Variants in JCAD observed in about 807,000 individuals in gnomAD.
JCAD encodes junctional cadherin 5 associated.
In JCAD, 40 loss-of-function variants were observed where a neutral mutation model predicts 98.0. That is an observed-to-expected ratio of 0.41 (90% CI 0.32 to 0.53). The LOEUF (loss-of-function observed/expected upper bound fraction) is 0.53, where lower values mean the gene tolerates loss of function less well. Ranked by LOEUF, JCAD falls within the 20% of genes least tolerant of loss-of-function variation. The pLI is 0.31. For synonymous variants in JCAD, 691 were observed against 682.3 expected (o/e 1.01, Z -0.20); for missense variants, 1,705 against 1,738.1 (o/e 0.98, Z 0.34).
rs755130262 is a variant in JCAD, at chr10:30,027,012, G to A, written c.3136C>T (p.Pro1046Ser). The change falls in exon 3 of 4, where the codon CCA (proline) becomes TCA (serine). Residue 1046 changes from proline to serine, a missense_variant. Around this residue, in one of 3 missense-constraint regions of JCAD, gnomAD observed 1,278 missense variants for 1,243.1 expected, o/e 1.03. Transcript: ENST00000375377. ...LSNKNRGLSA[P>S]DLRSVGLTPG... is the part of the protein sequence containing the mutation. ...GTGAGCCCCACAGACCGTAAGTCTGGAGCTGAGAGCCCTCGGTTCTTGTTA... is the reference window on the plus strand; with the variant it reads ...GTGAGCCCCACAGACCGTAAGTCTGAAGCTGAGAGCCCTCGGTTCTTGTTA... 1 of 1,614,156 alleles carries A rather than the reference G, an allele frequency of 6.2e-7. No individual in the cohort carries two copies. Among genetic ancestry groups the A allele is most frequent in the African/African-American group, 1.3e-5 (1 of 75,044 alleles).
At chr10:30,111,604 T>C (rs1235418503) in intron 1 of JCAD, among the ~76,000 whole-genome samples, 2 of 152,164 alleles carry the variant, frequency 1.3e-5, no homozygotes, top group Admixed American at 1.3e-4. Context: ...AAATGTGATG[T>C]GACATGACAT....
At position 30,027,737 on chromosome 10, in the gene JCAD, C is replaced by T. The variant is rs764850090; in HGVS notation, c.2411G>A (p.Gly804Glu). ...HPGPKREVVK[G>E]EPTGPCNSKQ... ...ACTGTTGCAAGGGCCCGTGGGCTCC[C>T]CCTTCACCACCTCCCGCTTAGGCCC... The change falls in exon 3 of 4, where the codon GGG (glycine) becomes GAG (glutamate). Residue 804 changes from glycine (G) to glutamate (E), a missense_variant. Physicochemically the swap from Gly to Glu is moderately conservative, Grantham distance 98. Transcript: ENST00000375377. 2.1e-5 allele frequency: 34 copies of T among 1,614,130 alleles called. No homozygotes were observed. In the Admixed American group the frequency reaches 5.3e-4, roughly 25 times the overall value.
chr10:30,022,945 T>A (rs1166416712), intron 3 of JCAD, among the ~76,000 whole-genome samples: 2 of 152,192 alleles, frequency 1.3e-5, no homozygotes, highest in Non-Finnish European at 2.9e-5. Flanking sequence ...CAGAGCAACT[T>A]CCAGTCCTGC....
intron 1 of JCAD, among the ~76,000 whole-genome samples, chr10:30,089,551 T>TG (rs1838226153): frequency 8.0e-5 from 12 of 150,842 alleles, no homozygotes; most frequent in East Asian, 2.0e-4. Context: ...TGTGTGTGTG[T>TG]TTGCTACTAA....
At chr10:30,069,850 G>A (rs907878475) in intron 1 of JCAD, 1 of 152,060 alleles carries the variant, frequency 6.6e-6, no homozygotes, top group Non-Finnish European at 1.5e-5. Context: ...GCCAGAAAAC[G>A]TTAGAAAATA....
Position 30,029,406 on chromosome 10 carries a change from T to A in JCAD, c.742A>T (p.Ile248Phe), listed in dbSNP as rs1836935295. The change falls in exon 3 of 4, where the codon ATT becomes TTT. Residue 248 changes from isoleucine (I) to phenylalanine (F), a missense_variant. Ile to Phe is a conservative substitution (Grantham distance 21). Transcript: ENST00000375377. ...GGTGAATGTCTTTCATTTAATGGAA[T>A]GGGAATTTCCGTGCAACTCAGGCTC... ...PESLSCTEIP[I>F]PLNERHSPKM... is the part of the protein sequence containing the mutation. 2 of 1,613,776 alleles carry A rather than the reference T, an allele frequency of 1.2e-6. No individual in the cohort carries two copies. The highest frequency in any genetic ancestry group is 8.5e-7 in the Non-Finnish European group (1 of 1,179,988).
At chr10:30,082,642 A>T (rs927481489) in intron 1 of JCAD, among the ~76,000 whole-genome samples, 1 of 152,048 alleles carries the variant, frequency 6.6e-6, no homozygotes, top group African/African-American at 2.4e-5. Flanking sequence ...ACCTGAGGTC[A>T]GCAGTTTGAG....
At chr10:30,034,503 G>T (rs1837073022) in intron 2 of JCAD, among the ~76,000 whole-genome samples, 1 of 152,164 alleles carries the variant, frequency 6.6e-6, no homozygotes. Flanking sequence ...TTGAAATTAT[G>T]TTTTGAGCAT....
At chr10:30,099,359 C>T (rs1051852226) in intron 1 of JCAD, among the ~76,000 whole-genome samples, 3 of 152,154 alleles carry the variant, frequency 2.0e-5, no homozygotes, top group Admixed American at 2.0e-4. Flanking sequence ...TAAATCCAAT[C>T]AAGTCATTAT....
At chr10:30,025,690 C>T (rs1036480163) in intron 3 of JCAD, among the ~76,000 whole-genome samples, 4 of 151,890 alleles carry the variant, frequency 2.6e-5, no homozygotes, top group Non-Finnish European at 5.9e-5. Context: ...GAGTTCGAGA[C>T]CAGCCTGAGT....
At chr10:30,099,876 GCGATTACCGGCTCCACTCTAACTCATTC>G (rs1209974460) in intron 1 of JCAD, among the ~76,000 whole-genome samples, 2 of 151,948 alleles carry the variant, frequency 1.3e-5, no homozygotes, top group Non-Finnish European at 2.9e-5. Flanking sequence ...CTGACTCATT[GCGATTACCGGCTCCACTCTAACTCATTC>G]CGATTACCTG....
chr10:30,081,174 T>C (rs1274339755), intron 1 of JCAD, among the ~76,000 whole-genome samples: 1 of 152,236 alleles, frequency 6.6e-6, no homozygotes, highest in African/African-American at 2.4e-5. Context: ...TAAGACATTA[T>C]TGACACCTAG....
chr10:30,103,645 C>T (rs971073252), intron 1 of JCAD, among the ~76,000 whole-genome samples: 5 of 151,964 alleles, frequency 3.3e-5, no homozygotes, highest in African/African-American at 1.2e-4. Context: ...CACACACTCA[C>T]AGCCAGTTCT....
In JCAD at chr10:30,047,873, T is replaced by C; in HGVS notation, c.-59-2A>G. The C allele has an allele frequency of 6.6e-7, 1 of 1,525,484 alleles. No homozygotes were observed. The highest frequency in any genetic ancestry group is 8.9e-7 in the Non-Finnish European group (1 of 1,129,234). 94.5% of individuals were successfully genotyped at this position (1,525,484 alleles called of 1,614,324 possible). ...CCATGGTGGTGGCAGGACCCAGCAC[T>C]GCAGGACAACAGAGAGCTCTATTTG... On this transcript the variant is annotated splice_acceptor_variant, in intron 1 of 3. Coordinates refer to ENST00000375377, the MANE Select transcript of JCAD (RefSeq NM_020848.4). LOFTEE classifies it low-confidence loss of function (5UTR_SPLICE).
Position 30,013,334 on chromosome 10 carries a change from G to C in JCAD, c.*4549C>G, listed in dbSNP as rs192666737. 4 of 152,264 alleles carry C rather than the reference G, an allele frequency of 2.6e-5. No individual in the cohort carries two copies. Among genetic ancestry groups the C allele is most frequent in the Admixed American group, 2.6e-4 (4 of 15,290 alleles). 9.4% of individuals were successfully genotyped at this position (152,264 alleles called of 1,614,324 possible). On this transcript the variant is annotated 3_prime_UTR_variant, in exon 4 of 4. Coordinates refer to ENST00000375377, the MANE Select transcript of JCAD (RefSeq NM_020848.4). The stretch of plus-strand genomic sequence containing the variant: ...CAAGGGGGGGAAAAAAAGTTTCTTT[G>C]GAGTTGCAAGGCCTTGTCTTCACTA...
rs1283380035 is a variant in JCAD, at chr10:30,016,254, A to G, written c.*1629T>C. 1 of 152,228 alleles carries G rather than the reference A, an allele frequency of 6.6e-6. No homozygotes were observed. Among genetic ancestry groups the G allele is most frequent in the Non-Finnish European group, 1.5e-5 (1 of 68,044 alleles). The allele number at this position is 152,228 out of a possible 1,614,324, so 9.4% of individuals were successfully genotyped here. A position where few individuals can be genotyped will look rare whatever the true frequency, so the allele number is the denominator to read the frequency against. ...ACGGTTCACATTTTAGGAATTCGAAATGTCTAAAAATAGATAAGGTGGTTT... is the reference window on the plus strand; with the variant it reads ...ACGGTTCACATTTTAGGAATTCGAAGTGTCTAAAAATAGATAAGGTGGTTT... On this transcript the variant is annotated 3_prime_UTR_variant, in exon 4 of 4. Transcript: ENST00000375377.
rs1266990308 is a variant in JCAD, at chr10:30,013,964, C to A, written c.*3919G>T. ...AGCCCACATCAACCTTTTCAAGAGG[C>A]CTCAATCTGAATTTATGGTCTTAAT... On this transcript the variant is annotated 3_prime_UTR_variant, in exon 4 of 4. Transcript: ENST00000375377. The A allele has an allele frequency of 6.6e-6, 1 of 152,180 alleles. No homozygotes were observed. The highest frequency in any genetic ancestry group is 6.5e-5 in the Admixed American group (1 of 15,280). The allele number at this position is 152,180 out of a possible 1,614,324, so 9.4% of individuals were successfully genotyped here.
At chr10:30,060,866 G>A (rs953157051), upstream of JCAD, among the ~76,000 whole-genome samples, 2 of 152,120 alleles carry the variant, frequency 1.3e-5, no homozygotes, top group Admixed American at 6.5e-5. Context: ...GAGCAAGGTC[G>A]TTTCTTTGTT....
intron 1 of JCAD, among the ~76,000 whole-genome samples, chr10:30,058,320 C>T (rs1837622323): frequency 1.3e-5 from 2 of 152,206 alleles, no homozygotes; most frequent in South Asian, 4.2e-4. Context: ...GACCAAGCTA[C>T]TAGATTTGGG....
Sources: gnomAD v4.1 joint callset for allele counts (sites outside exome capture counted in the v4.1 genomes callset) on GRCh38, gnomAD v4.1.1 for gene constraint, gnomAD v4.1.1 regional missense constraint, MANE v1.5 for transcripts, NCBI Gene and HGNC (gene_info 2026-07-23, HGNC 2026-07-21) for gene names.